The following TP73 variants were observed in gnomAD, a reference collection of about 807,000 sequenced individuals.
The protein encoded by TP73 is p53-like transcription factor.
TP73 carries 25 observed loss-of-function variants against 62.5 expected under a neutral mutation model. That is an observed-to-expected ratio of 0.40 (90% confidence interval 0.29 to 0.56). The LOEUF is 0.56. TP73 is among the 20% of genes least tolerant of loss of function. The probability of loss-of-function intolerance (pLI) is 0.46; values close to 1 mark genes in which losing one functional copy is unlikely to be tolerated. For missense variants in TP73, 754 were observed against 913.3 expected (o/e 0.83, Z 2.25); for synonymous variants, 423 against 377.5 (o/e 1.12, Z -1.40).
At chr1:3,730,236 ACC>A (rs1329512838) in intron 11 of TP73, 88 bp downstream of exon 11, 78 of 1,358,868 alleles carry the variant, frequency 5.7e-5, no homozygotes, top group Non-Finnish European at 3.8e-5. Flanking sequence ...CCAGCTCGGG[ACC>A]CAGGGCAGGT....
chr1:3,706,786 C>T (rs1639693274), intron 3 of TP73, among the ~76,000 whole-genome samples: 1 of 152,084 alleles, frequency 6.6e-6, no homozygotes, highest in Non-Finnish European at 1.5e-5. Flanking sequence ...GCAGGGGACA[C>T]ACCCACAGGG....
intron 1 of TP73, among the ~76,000 whole-genome samples, chr1:3,668,106 G>A (rs1003958619): frequency 1.3e-5 from 2 of 152,238 alleles, no homozygotes; most frequent in East Asian, 3.8e-4. Flanking sequence ...AGCCTCCCTG[G>A]GTTCAGGTCT....
chr1:3,697,661 G>A (rs2124314051), intron 3 of TP73, among the ~76,000 whole-genome samples: 1 of 152,362 alleles, frequency 6.6e-6, no homozygotes, highest in South Asian at 2.1e-4. Flanking sequence ...CTGGGAGGGT[G>A]CTAGGATGTC....
intron 3 of TP73, among the ~76,000 whole-genome samples, chr1:3,693,491 G>A (rs1638261854): frequency 6.6e-6 from 1 of 152,164 alleles, no homozygotes; most frequent in East Asian, 1.9e-4. Context: ...TGGGCTTGGG[G>A]TCTGTCTCTC....
chr1:3,685,503 TG>T (rs1287076204), intron 3 of TP73, among the ~76,000 whole-genome samples: 1 of 152,188 alleles, frequency 6.6e-6, no homozygotes, highest in Non-Finnish European at 1.5e-5. Flanking sequence ...CAGGCCTGCG[TG>T]GGGAGAGCCA....
rs1160792941 is a variant in TP73 at position 3,662,856 on chromosome 1, C to G, written c.-34+10215C>G. On this transcript the variant is annotated intron_variant, in intron 1 of 13. Coordinates refer to ENST00000378295, the MANE Select transcript of TP73 (RefSeq NM_005427.4). The surrounding 1 kb of genome is among the most constrained non-coding windows in gnomAD (Gnocchi z 4.4). ...TGGCTGGGGAGCGCAGGGAGGGGTCCCCAGTGTGAGGACAGCATGGGGCTG... is the reference window on the plus strand; with the variant it reads ...TGGCTGGGGAGCGCAGGGAGGGGTCGCCAGTGTGAGGACAGCATGGGGCTG... Among the ~76,000 whole-genome samples, 1 of 152,170 alleles carries G rather than the reference C, an allele frequency of 6.6e-6. No individual in the cohort carries two copies. The highest frequency in any genetic ancestry group is 1.5e-5 in the Non-Finnish European group (1 of 68,030).
intron 4 of TP73, among the ~76,000 whole-genome samples, chr1:3,710,639 C>T (rs1191222758): frequency 2.6e-5 from 4 of 152,246 alleles, no homozygotes; most frequent in Admixed American, 6.5e-5. Flanking sequence ...CCTCACCAGC[C>T]CCCAAGTGAC....
chr1:3,715,123 T>A (rs1640484403), intron 4 of TP73, among the ~76,000 whole-genome samples: 1 of 152,180 alleles, frequency 6.6e-6, no homozygotes, highest in Non-Finnish European at 1.5e-5. Context: ...GCAGTCTGTG[T>A]GAGTCTCAGT....
intron 1 of TP73, among the ~76,000 whole-genome samples, chr1:3,654,580 A>T (rs967636245): frequency 6.6e-6 from 1 of 152,216 alleles, no homozygotes; most frequent in African/African-American, 2.4e-5. Context: ...GAGAACAGTC[A>T]GTGAGGTGCC....
At chr1:3,716,265 C>T (rs1640588173) in intron 4 of TP73, among the ~76,000 whole-genome samples, 1 of 152,216 alleles carries the variant, frequency 6.6e-6, no homozygotes, top group Non-Finnish European at 1.5e-5. Context: ...CCAGCAGACA[C>T]ATCTGTCTCC....
intron 1 of TP73, among the ~76,000 whole-genome samples, chr1:3,671,951 G>A (rs139413281): frequency 1.3e-5 from 2 of 152,264 alleles, no homozygotes; most frequent in Non-Finnish European, 2.9e-5. Flanking sequence ...AACAGGAAGG[G>A]AACACGCCAG....
chr1:3,691,988 C>A (rs1645848587), intron 3 of TP73, among the ~76,000 whole-genome samples: 1 of 151,728 alleles, frequency 6.6e-6, no homozygotes. Flanking sequence ...GGTGTGCGTG[C>A]ATGTGTGTGT....
chr1:3,733,351 G>C lies in TP73; in HGVS notation c.*272G>C, dbSNP rs1027702649. On this transcript the variant is annotated 3_prime_UTR_variant, in exon 14 of 14. Transcript: ENST00000378295. ...CGGGGGCTGGCCCACTCTCAGCCCT[G>C]CCACTGCCCCGGCGTGCTCCATGGC... 9 of 533,004 alleles carry C rather than the reference G, an allele frequency of 1.7e-5. No individual in the cohort carries two copies. The African/African-American group carries it at 1.7e-4, about 10-fold the overall frequency. The allele number at this position is 533,004 out of a possible 1,614,324, so 33.0% of individuals were successfully genotyped here.
rs533054348 is a variant in TP73, at chr1:3,711,839, C to CGTGTGTGTGTGTGTGT, written c.429+4054_429+4055insGTGTGTGTGTGTGTGT. Among the ~76,000 whole-genome samples, 457 of 146,152 alleles carry CGTGTGTGTGTGTGTGT rather than the reference C, an allele frequency of 3.1e-3. 2 individuals are homozygous for CGTGTGTGTGTGTGTGT. Among genetic ancestry groups the CGTGTGTGTGTGTGTGT allele is most frequent in the Non-Finnish European group, 5.7e-3 (379 of 66,788 alleles). On this transcript the variant is annotated intron_variant, in intron 4 of 13. Coordinates refer to ENST00000378295, the MANE Select transcript of TP73 (RefSeq NM_005427.4). Reference sequence around the variant, plus strand: ...GACTCAGCGTGTGTGTGTGCGCGAGCGTGTGTATGTGTGTGTGTGTGTGTG... The same window carrying CGTGTGTGTGTGTGTGT: ...GACTCAGCGTGTGTGTGTGCGCGAGCGTGTGTGTGTGTGTGTGTGTGTATGTGTGTGTGTGTGTGTG...
chr1:3,711,548 G>A (rs1009211905), intron 4 of TP73, among the ~76,000 whole-genome samples: 1 of 152,264 alleles, frequency 6.6e-6, no homozygotes. Flanking sequence ...CATCAGGGAA[G>A]GTGGCTGTCC....
intron 3 of TP73, among the ~76,000 whole-genome samples, chr1:3,706,677 C>T (rs1056350919): frequency 6.6e-6 from 1 of 152,152 alleles, no homozygotes; most frequent in Non-Finnish European, 1.5e-5. Flanking sequence ...TCTGAGACAT[C>T]GAGGCCAGAC....
Position 3,733,168 on chromosome 1 carries a change from G to A in TP73, c.*89G>A, listed in dbSNP as rs1297720261. On this transcript the variant is annotated 3_prime_UTR_variant, in exon 14 of 14. Coordinates refer to ENST00000378295, the MANE Select transcript of TP73 (RefSeq NM_005427.4). Reference sequence around the variant, plus strand: ...CTGTGTGTCCAAAACTGCCTCAGGAGGCAGGACCTTCGGGCTGTGCCCGGG... The same window carrying A: ...CTGTGTGTCCAAAACTGCCTCAGGAAGCAGGACCTTCGGGCTGTGCCCGGG... 19 of 1,384,962 alleles carry A rather than the reference G, an allele frequency of 1.4e-5. No individual in the cohort carries two copies. The highest frequency in any genetic ancestry group is 1.8e-5 in the Non-Finnish European group (19 of 1,039,876). 85.8% of individuals were successfully genotyped at this position (1,384,962 alleles called of 1,614,324 possible).
In TP73 at chr1:3,663,455, C is replaced by T. The variant is rs578151285; in HGVS notation, c.-34+10814C>T. ...AGGCGGCTGGGCGTGGTGGCTCACGCCTGTAATCCCAGCACTTTGGGAGGC... is the reference window on the plus strand; with the variant it reads ...AGGCGGCTGGGCGTGGTGGCTCACGTCTGTAATCCCAGCACTTTGGGAGGC... On this transcript the variant is annotated intron_variant, in intron 1 of 13. Coordinates refer to ENST00000378295, the MANE Select transcript of TP73 (RefSeq NM_005427.4). This position sits in a 1 kb window ranked among gnomAD's most constrained non-coding sequence, Gnocchi z 4.7. Among the ~76,000 whole-genome samples, 4 of 152,242 alleles carry T rather than the reference C, an allele frequency of 2.6e-5. No individual in the cohort carries two copies. The East Asian group carries it at 7.7e-4, about 29-fold the overall frequency.
chr1:3,693,839 CATG>C lies in TP73; in HGVS notation c.186+10660_186+10662del, dbSNP rs1482128764. Among the ~76,000 whole-genome samples, 20 of 73,270 alleles carry C rather than the reference CATG, an allele frequency of 2.7e-4. 5 individuals are homozygous for C. Among genetic ancestry groups the C allele is most frequent in the Non-Finnish European group, 4.1e-4 (13 of 31,732 alleles). 48.1% of individuals were successfully genotyped at this position (73,270 alleles called of 152,430 possible). A position where few individuals can be genotyped will look rare whatever the true frequency, so the allele number is the denominator to read the frequency against. On this transcript the variant is annotated intron_variant, in intron 3 of 13. Transcript: ENST00000378295. ...CAGCCCCTCCTCCCGCAATCCCAGCCATGCAGCCTCAGCTCCTCCTCCCACAAT... is the reference window on the plus strand; with the variant it reads ...CAGCCCCTCCTCCCGCAATCCCAGCCCAGCCTCAGCTCCTCCTCCCACAAT...
Sources: gnomAD v4.1 joint callset for allele counts (sites outside exome capture counted in the v4.1 genomes callset) on GRCh38, gnomAD v4.1.1 for gene constraint, Gnocchi (gnomAD v3.1) non-coding constraint, MANE v1.5 for transcripts, NCBI Gene and HGNC (gene_info 2026-07-23, HGNC 2026-07-21) for gene names.